The following ACSF3 variants were observed in gnomAD, a reference collection of about 807,000 sequenced individuals.
ACSF3 encodes the protein malonate--CoA ligase ACSF3, mitochondrial.
ACSF3 carries 78 observed loss-of-function variants against 53.2 expected under a neutral mutation model. The observed-to-expected ratio is 1.47, with a 90% confidence interval of 1.22 to 1.77. The LOEUF (loss-of-function observed/expected upper bound fraction) is 1.77, where lower values mean the gene tolerates loss of function less well. Ranked by LOEUF, ACSF3 falls within the 40% of genes most tolerant of loss-of-function variation. The probability of loss-of-function intolerance (pLI) is 0.00; values close to 1 mark genes in which losing one functional copy is unlikely to be tolerated. For synonymous variants in ACSF3, 414 were observed against 333.1 expected, an observed-to-expected ratio of 1.24 and a Z score of -2.65; for missense variants, 937 against 771.1, an observed-to-expected ratio of 1.22 and a Z score of -2.55.
intron 1 of ACSF3, among the ~76,000 whole-genome samples, chr16:89,096,376 G>C (rs906755690): frequency 6.6e-6 from 1 of 152,290 alleles, no homozygotes; most frequent in East Asian, 1.9e-4. Context: ...GAGGAAGCTG[G>C]GGTGCCTCTG....
intron 8 of ACSF3, among the ~76,000 whole-genome samples, chr16:89,139,648 A>G (rs1911359010): frequency 7.7e-6 from 1 of 130,146 alleles, no homozygotes; most frequent in Non-Finnish European, 1.5e-5. Flanking sequence ...ACTGGAGTGC[A>G]GTGGCGCCAT....
chr16:89,100,922 G>A lies in ACSF3; in HGVS notation c.241G>A (p.Glu81Lys). ...LYSRSLRLSQ[E>K]ICRLCGCVGG... ...TTCCCGCAGCCTTCGCCTGTCCCAGGAGATCTGCAGGCTCTGCGGGTGTGT... is the reference window on the plus strand; with the variant it reads ...TTCCCGCAGCCTTCGCCTGTCCCAGAAGATCTGCAGGCTCTGCGGGTGTGT... Residue 81 changes from glutamate (E) to lysine (K), a missense_variant, in exon 3 of 11, where the codon GAG becomes AAG. Coordinates refer to ENST00000614302, the MANE Select transcript of ACSF3 (RefSeq NM_001243279.3). 2 of 1,613,884 alleles carry A rather than the reference G, an allele frequency of 1.2e-6. No individual in the cohort carries two copies. Among genetic ancestry groups the A allele is most frequent in the South Asian group, 1.1e-5 (1 of 91,088 alleles).
At chr16:89,150,581 A>G (rs769015708) in intron 10 of ACSF3, 2 of 205,368 alleles carry the variant, frequency 9.7e-6, no homozygotes, top group South Asian at 1.8e-4. Flanking sequence ...CTCACCCAGC[A>G]TTGTTTGGGC....
chr16:89,095,736 T>C (rs564257976), intron 1 of ACSF3, among the ~76,000 whole-genome samples: 40 of 152,364 alleles, frequency 2.6e-4, no homozygotes, highest in African/African-American at 8.7e-4. Flanking sequence ...GGGAGCACCC[T>C]GCTGAGCACG....
intron 10 of ACSF3, among the ~76,000 whole-genome samples, chr16:89,146,885 C>T (rs746712627): frequency 1.3e-5 from 2 of 152,258 alleles, no homozygotes; most frequent in African/African-American, 4.8e-5. Flanking sequence ...TGTCAAAGGC[C>T]GTCAGGACGG....
At chr16:89,153,933 T>C (rs1051452252) in intron 10 of ACSF3, 157 bp from the exon 11 acceptor site, 1 of 706,398 alleles carries the variant, frequency 1.4e-6, no homozygotes, top group Admixed American at 2.2e-5. Flanking sequence ...CAGAGACAGC[T>C]GCGGTGGCCC....
In ACSF3 at chr16:89,154,444, C is replaced by G. The variant is rs1255680166; in HGVS notation, c.*237C>G. ...TCACCTCTGCCTGGTCACCGCCGAC[C>G]TCATCTGTGCAGCGCGGTGCAGCCA... On this transcript the variant is annotated 3_prime_UTR_variant, in exon 11 of 11. Coordinates refer to ENST00000614302, the MANE Select transcript of ACSF3 (RefSeq NM_001243279.3). The G allele has an allele frequency of 1.5e-6, 1 of 650,462 alleles. No individual in the cohort carries two copies. The highest frequency in any genetic ancestry group is 2.8e-6 in the Non-Finnish European group (1 of 353,584). The allele number at this position is 650,462 out of a possible 1,614,324, so 40.3% of individuals were successfully genotyped here.
chr16:89,099,394 A>G (rs1975004309), intron 2 of ACSF3, among the ~76,000 whole-genome samples: 1 of 152,094 alleles, frequency 6.6e-6, no homozygotes, highest in Non-Finnish European at 1.5e-5. Flanking sequence ...CTGCTGATTT[A>G]TTTGTTATTT....
chr16:89,139,597 T>G (rs1260247976), intron 8 of ACSF3, among the ~76,000 whole-genome samples: 1 of 147,514 alleles, frequency 6.8e-6, no homozygotes, highest in Non-Finnish European at 1.5e-5. Flanking sequence ...TTCTGTTTTT[T>G]TTTTTTTTTT....
At chr16:89,146,730 C>G (rs140198899) in intron 10 of ACSF3, among the ~76,000 whole-genome samples, 1 of 152,224 alleles carries the variant, frequency 6.6e-6, no homozygotes, top group Non-Finnish European at 1.5e-5. Context: ...TTTGTTTTGC[C>G]TTTACCTTAC....
intron 10 of ACSF3, chr16:89,148,748 C>G (rs1030436478): frequency 7.9e-5 from 12 of 152,218 alleles, no homozygotes; most frequent in African/African-American, 2.9e-4. Context: ...ATCTGGAGCC[C>G]TTTTAGCCCC....
chr16:89,141,141 T>C, intron 8 of ACSF3: 1 of 1,287,170 alleles, frequency 7.8e-7, no homozygotes, highest in South Asian at 1.2e-5. Context: ...TCCCGCGGGG[T>C]GTCCGACCCG....
At chr16:89,114,147 G>T in intron 5 of ACSF3, 192 bp from the exon 6 acceptor site, 1 of 710,386 alleles carries the variant, frequency 1.4e-6, no homozygotes, top group Non-Finnish European at 2.5e-6. Context: ...AAGTCACGCC[G>T]TAGCGCAGAC....
chr16:89,095,165 G>C (rs1450817182), intron 1 of ACSF3: 3 of 152,320 alleles, frequency 2.0e-5, no homozygotes, highest in Admixed American at 2.0e-4. Flanking sequence ...GTAGCGTGAA[G>C]CCTGGCTCAG....
In ACSF3 at chr16:89,145,996, G is replaced by C. The variant is rs765469862; in HGVS notation, c.1560G>C (p.Val520=). 3 of 1,436,484 alleles carry C rather than the reference G, an allele frequency of 2.1e-6. No homozygotes were observed. The South Asian group carries it at 3.4e-5, about 16-fold the overall frequency. 89.0% of individuals were successfully genotyped at this position (1,436,484 alleles called of 1,614,324 possible). A position where few individuals can be genotyped will look rare whatever the true frequency, so the allele number is the denominator to read the frequency against. Residue 520 remains valine (V), a synonymous_variant, in exon 10 of 11, where the codon GTG becomes GTC. Coordinates refer to ENST00000614302, the MANE Select transcript of ACSF3 (RefSeq NM_001243279.3). ...GGGGCCAGCGGGTCACTGCTGTGGT[G>C]ACCCTCCGAGAAGGACACTCACTGT... ...MTWGQRVTAV[V]TLREGHSLSH... is the part of the protein sequence containing the mutation.
chr16:89,107,230 G>A (rs914508367), intron 4 of ACSF3, among the ~76,000 whole-genome samples: 3 of 152,196 alleles, frequency 2.0e-5, no homozygotes, highest in African/African-American at 7.2e-5. Flanking sequence ...GGTCACCCTC[G>A]GCTCTCAGTG....
At chr16:89,109,803 C>T (rs1976475604) in intron 4 of ACSF3, among the ~76,000 whole-genome samples, 2 of 152,046 alleles carry the variant, frequency 1.3e-5, no homozygotes, top group African/African-American at 2.4e-5. Flanking sequence ...CCCAGGCTGG[C>T]CTCACACTCC....
chr16:89,143,419 G>A (rs945151842), intron 8 of ACSF3, among the ~76,000 whole-genome samples: 1 of 152,104 alleles, frequency 6.6e-6, no homozygotes, highest in Non-Finnish European at 1.5e-5. Context: ...AGGCCAGGGT[G>A]GAGCCAGGCC....
chr16:89,103,716 G>A (rs534947886), intron 4 of ACSF3, among the ~76,000 whole-genome samples: 9 of 152,326 alleles, frequency 5.9e-5, no homozygotes, highest in East Asian at 1.9e-4. Flanking sequence ...TGCTTGCTGC[G>A]GAGGGTTACT....
Sources: gnomAD v4.1 joint callset for allele counts (sites outside exome capture counted in the v4.1 genomes callset) on GRCh38, gnomAD v4.1.1 for gene constraint, MANE v1.5 for transcripts, NCBI Gene and HGNC (gene_info 2026-07-23, HGNC 2026-07-21) for gene names.